PRKN: variants seen among roughly 807,000 people sequenced by gnomAD.
The protein encoded by PRKN is parkin RBR E3 ubiquitin protein ligase, also known as E3 ubiquitin-protein ligase parkin.
A neutral mutation model predicts 59.5 loss-of-function variants in PRKN; 56 were observed. The ratio of observed to expected loss-of-function variants is 0.94; its 90% CI spans 0.76 to 1.18. The LOEUF (loss-of-function observed/expected upper bound fraction) is 1.18. PRKN is among the 50% of genes most tolerant of loss of function. The pLI, the probability that PRKN is intolerant of heterozygous loss-of-function variation, is 0.00. For missense variants in PRKN, 657 were observed against 596.4 expected (o/e 1.10, Z -1.06); for synonymous variants, 250 against 222.1 (o/e 1.13, Z -1.12).
intron 6 of PRKN, among the ~76,000 whole-genome samples, chr6:161,875,721 C>T (rs1794709632): frequency 6.6e-6 from 1 of 152,110 alleles, no homozygotes; most frequent in South Asian, 2.1e-4. Flanking sequence ...CCCAAGGCCA[C>T]AATGGCATGG....
intron 4 of PRKN, among the ~76,000 whole-genome samples, chr6:162,067,733 C>T (rs1778397581): frequency 1.3e-5 from 2 of 152,130 alleles, no homozygotes; most frequent in Admixed American, 6.5e-5. Context: ...ACACCTCATC[C>T]CTAGTGACCT....
chr6:162,688,821 C>T (rs770140342), intron 1 of PRKN, among the ~76,000 whole-genome samples: 66 of 152,264 alleles, frequency 4.3e-4, no homozygotes, highest in Middle Eastern at 3.4e-3. Flanking sequence ...ATAAACAGGA[C>T]TAAATGATTA....
At chr6:161,941,141 G>A (rs1779551625) in intron 6 of PRKN, among the ~76,000 whole-genome samples, 1 of 152,198 alleles carries the variant, frequency 6.6e-6, no homozygotes, top group Admixed American at 6.5e-5. Context: ...AGGGACCTAG[G>A]TGTGGACAAT....
intron 6 of PRKN, among the ~76,000 whole-genome samples, chr6:161,856,506 T>C (rs1054575831): frequency 1.3e-5 from 2 of 152,180 alleles, no homozygotes; most frequent in East Asian, 1.9e-4. Context: ...ATTTATAACA[T>C]CATATTTCAT....
At position 161,530,099 on chromosome 6, in the gene PRKN, G is replaced by A. The variant is rs753273754; in HGVS notation, c.1083+18755C>T. On this transcript the variant is annotated intron_variant, in intron 9 of 11. Coordinates refer to ENST00000366898, the MANE Select transcript of PRKN (RefSeq NM_004562.3). This position sits in a 1 kb window ranked among gnomAD's most constrained non-coding sequence, Gnocchi z 5.0. The stretch of plus-strand genomic sequence containing the variant: ...TAGCCAACAGTTTTTTCACTGGGCC[G>A]TGGCTGTGCACACGGGCTTCTTGCC... Among the ~76,000 whole-genome samples, 10 of 151,846 alleles carry A rather than the reference G, an allele frequency of 6.6e-5. No homozygotes were observed. Among genetic ancestry groups the A allele is most frequent in the African/African-American group, 1.7e-4 (7 of 41,338 alleles).
intron 7 of PRKN, among the ~76,000 whole-genome samples, chr6:161,702,961 A>G (rs761502564): frequency 4.0e-5 from 6 of 151,798 alleles, no homozygotes; most frequent in Non-Finnish European, 7.4e-5. Context: ...GGAAGAAAAT[A>G]TGTACAAATC....
chr6:162,463,276 A>G (rs1405925790), intron 1 of PRKN, among the ~76,000 whole-genome samples: 1 of 152,148 alleles, frequency 6.6e-6, no homozygotes, highest in Non-Finnish European at 1.5e-5. Context: ...ATTATACTCA[A>G]GATTATTCCA....
At chr6:162,177,044 A>C (rs113175172) in intron 4 of PRKN, among the ~76,000 whole-genome samples, 11 of 152,046 alleles carry the variant, frequency 7.2e-5, no homozygotes, top group South Asian at 2.1e-4. Context: ...CTCACACACA[A>C]AAAAATAAAT....
chr6:161,652,011 T>C (rs1371075693), intron 7 of PRKN, among the ~76,000 whole-genome samples: 2 of 152,232 alleles, frequency 1.3e-5, no homozygotes, highest in Non-Finnish European at 2.9e-5. Flanking sequence ...TGCAAGTTTT[T>C]CCAACCAATT....
At chr6:162,232,178 G>A (rs1242679281) in intron 3 of PRKN, among the ~76,000 whole-genome samples, 2 of 152,120 alleles carry the variant, frequency 1.3e-5, no homozygotes, top group African/African-American at 4.8e-5. Context: ...GCCACATAGG[G>A]ATTTGGCTAG....
At chr6:162,193,736 C>T (rs1583179741) in intron 4 of PRKN, among the ~76,000 whole-genome samples, 2 of 152,110 alleles carry the variant, frequency 1.3e-5, no homozygotes, top group Non-Finnish European at 2.9e-5. Context: ...CTTACCTAAT[C>T]GTTTACTCAA....
intron 2 of PRKN, among the ~76,000 whole-genome samples, chr6:162,328,453 CACAGTAATTCAAAAGCATTT>C (rs1251387013): frequency 2.0e-5 from 3 of 152,190 alleles, no homozygotes; most frequent in African/African-American, 7.2e-5. Context: ...GCCTTTCCTT[CACAGTAATTCAAAAGCATTT>C]ACTGAACAAC....
chr6:162,555,750 G>A (rs1779537146), intron 1 of PRKN, among the ~76,000 whole-genome samples: 1 of 152,126 alleles, frequency 6.6e-6, no homozygotes, highest in South Asian at 2.1e-4. Context: ...CAGCACTTTG[G>A]GAGGCCGAGG....
chr6:162,133,396 G>A (rs1372059867), intron 4 of PRKN, among the ~76,000 whole-genome samples: 2 of 152,196 alleles, frequency 1.3e-5, no homozygotes, highest in African/African-American at 4.8e-5. Context: ...CTTAGCAACT[G>A]AGAGAGCAGT....
intron 6 of PRKN, among the ~76,000 whole-genome samples, chr6:161,911,286 C>T (rs1778351683): frequency 6.6e-6 from 1 of 152,156 alleles, no homozygotes; most frequent in Admixed American, 6.5e-5. Flanking sequence ...GTCACAGTCG[C>T]TCCCCTTTGT....
intron 2 of PRKN, among the ~76,000 whole-genome samples, chr6:162,327,164 G>C (rs1409131707): frequency 6.6e-6 from 1 of 151,990 alleles, no homozygotes; most frequent in East Asian, 1.9e-4. Flanking sequence ...TCTTCTCTCT[G>C]AACATGGAAA....
At chr6:161,869,564 A>G (rs1228454544) in intron 6 of PRKN, among the ~76,000 whole-genome samples, 3 of 152,118 alleles carry the variant, frequency 2.0e-5, no homozygotes, top group Admixed American at 6.6e-5. Flanking sequence ...ACTTAAAACG[A>G]ATGCATCACC....
chr6:162,458,449 T>TTC (rs1554329268), intron 1 of PRKN, among the ~76,000 whole-genome samples: 5 of 151,328 alleles, frequency 3.3e-5, no homozygotes, highest in African/African-American at 9.7e-5. Flanking sequence ...AAAAAATTTT[T>TTC]TTTAAATTAA....
At chr6:161,657,707 G>A (rs1784400313) in intron 7 of PRKN, among the ~76,000 whole-genome samples, 1 of 151,992 alleles carries the variant, frequency 6.6e-6, no homozygotes, top group Non-Finnish European at 1.5e-5. Context: ...TCCCCATCTA[G>A]ATCAACTTGA....
Sources: gnomAD v4.1 joint callset for allele counts (sites outside exome capture counted in the v4.1 genomes callset) on GRCh38, gnomAD v4.1.1 for gene constraint, Gnocchi (gnomAD v3.1) non-coding constraint, MANE v1.5 for transcripts, NCBI Gene and HGNC (gene_info 2026-07-23, HGNC 2026-07-21) for gene names.